The following ASIC2 variants were observed in gnomAD, a reference collection of about 807,000 sequenced individuals.
ASIC2 encodes the protein acid-sensing ion channel 2.
A neutral mutation model predicts 57.3 loss-of-function variants in ASIC2; 25 were observed. That is an observed-to-expected ratio of 0.44 (90% CI 0.32 to 0.61). The LOEUF (loss-of-function observed/expected upper bound fraction) is 0.61. Among genes scored for constraint, ASIC2 ranks in the 20% least tolerant of loss-of-function variants. The probability of loss-of-function intolerance (pLI) is 0.06; values close to 1 mark genes in which losing one functional copy is unlikely to be tolerated. For synonymous variants in ASIC2, 319 were observed against 307.5 expected (o/e 1.04, Z -0.39); for missense variants, 641 against 738.1 (o/e 0.87, Z 1.52).
intron 1 of ASIC2, among the ~76,000 whole-genome samples, chr17:33,522,724 T>G (rs1191804883): frequency 6.6e-6 from 1 of 152,158 alleles, no homozygotes; most frequent in Non-Finnish European, 1.5e-5. Flanking sequence ...ACTTTGAAAA[T>G]CCAAGTGTTT....
intron 1 of ASIC2, among the ~76,000 whole-genome samples, chr17:33,256,386 A>G (rs1288146777): frequency 1.3e-5 from 2 of 152,240 alleles, no homozygotes; most frequent in East Asian, 3.8e-4. Flanking sequence ...AAGAGACACA[A>G]GAAATGATTG....
intron 1 of ASIC2, among the ~76,000 whole-genome samples, chr17:33,678,454 C>T (rs1445238413): frequency 2.6e-5 from 4 of 151,790 alleles, no homozygotes; most frequent in Middle Eastern, 6.8e-3. Flanking sequence ...CACACACACA[C>T]ACACACACAC....
At chr17:34,001,939 T>C (rs1390344862) in intron 1 of ASIC2, 1 of 152,242 alleles carries the variant, frequency 6.6e-6, no homozygotes, top group Non-Finnish European at 1.5e-5. Context: ...TTGACATTAC[T>C]TCTATGTGTG....
At chr17:33,727,378 T>C (rs768942046) in intron 1 of ASIC2, among the ~76,000 whole-genome samples, 1 of 152,144 alleles carries the variant, frequency 6.6e-6, no homozygotes, top group Non-Finnish European at 1.5e-5. Context: ...CAGAAAGAAG[T>C]ATAAATGGTC....
chr17:33,683,985 G>A (rs886895085), intron 1 of ASIC2, among the ~76,000 whole-genome samples: 2 of 152,180 alleles, frequency 1.3e-5, no homozygotes, highest in African/African-American at 2.4e-5. Context: ...GGAGGAATAC[G>A]ATTTAACCCA....
At chr17:33,018,106 G>A (rs548766799) in intron 7 of ASIC2, among the ~76,000 whole-genome samples, 10 of 152,292 alleles carry the variant, frequency 6.6e-5, no homozygotes, top group African/African-American at 1.9e-4. Flanking sequence ...ACCCAATCAC[G>A]GCATGGGCTT....
At chr17:33,180,386 G>A (rs140338757) in intron 1 of ASIC2, among the ~76,000 whole-genome samples, 169 of 152,316 alleles carry the variant, frequency 1.1e-3, no homozygotes, top group Non-Finnish European at 1.8e-3. Context: ...AGGCATCATG[G>A]AAGCAGGAGG....
intron 1 of ASIC2, among the ~76,000 whole-genome samples, chr17:33,353,758 T>C (rs1908271195): frequency 6.6e-6 from 1 of 152,218 alleles, no homozygotes; most frequent in Non-Finnish European, 1.5e-5. Flanking sequence ...TTTATGATCC[T>C]CAGTTCTTTG....
chr17:34,090,142 T>C (rs1910272310), intron 1 of ASIC2, among the ~76,000 whole-genome samples: 1 of 152,024 alleles, frequency 6.6e-6, no homozygotes, highest in African/African-American at 2.4e-5. Context: ...TCTACTGACA[T>C]TTTAGGTGGA....
chr17:33,616,577 T>A (rs1905611588), intron 1 of ASIC2, among the ~76,000 whole-genome samples: 1 of 152,260 alleles, frequency 6.6e-6, no homozygotes. Flanking sequence ...TGACTGATTC[T>A]CATTCTCTTC....
intron 1 of ASIC2, among the ~76,000 whole-genome samples, chr17:33,332,379 C>T (rs558688862): frequency 4.6e-5 from 7 of 152,230 alleles, no homozygotes; most frequent in East Asian, 1.9e-4. Flanking sequence ...AACATTTCAA[C>T]GTGTAATAAA....
chr17:33,703,238 G>A (rs1489741368), intron 1 of ASIC2, among the ~76,000 whole-genome samples: 1 of 152,108 alleles, frequency 6.6e-6, no homozygotes, highest in Non-Finnish European at 1.5e-5. Flanking sequence ...CTGGAGAGAT[G>A]GGAGCTATAG....
chr17:33,235,849 T>C (rs1328955222), intron 1 of ASIC2, among the ~76,000 whole-genome samples: 2 of 152,166 alleles, frequency 1.3e-5, no homozygotes, highest in African/African-American at 2.4e-5. Context: ...ATTATTATTT[T>C]TTTTGAGACA....
intron 1 of ASIC2, among the ~76,000 whole-genome samples, chr17:33,400,376 G>C (rs1347040496): frequency 1.3e-5 from 2 of 152,210 alleles, no homozygotes; most frequent in Non-Finnish European, 2.9e-5. Context: ...TCTGGTATGG[G>C]AAGACCAAGC....
intron 1 of ASIC2, among the ~76,000 whole-genome samples, chr17:33,969,135 G>C (rs557649109): frequency 1.3e-5 from 2 of 152,158 alleles, no homozygotes; most frequent in African/African-American, 4.8e-5. Flanking sequence ...AGCATGGCCC[G>C]TTGAGAAACA....
At chr17:33,422,846 G>C (rs1911092830) in intron 1 of ASIC2, among the ~76,000 whole-genome samples, 1 of 152,202 alleles carries the variant, frequency 6.6e-6, no homozygotes, top group Non-Finnish European at 1.5e-5. Flanking sequence ...GGACTGGTCA[G>C]AGTTGGTATA....
chr17:33,695,296 T>G (rs540356054), intron 1 of ASIC2, among the ~76,000 whole-genome samples: 1 of 152,258 alleles, frequency 6.6e-6, no homozygotes, highest in Non-Finnish European at 1.5e-5. Context: ...ACAAATCATT[T>G]AAAAATATGG....
chr17:33,443,539 A>G (rs1333810628), intron 1 of ASIC2, among the ~76,000 whole-genome samples: 63 of 145,400 alleles, frequency 4.3e-4, no homozygotes, highest in Non-Finnish European at 7.7e-4. Flanking sequence ...TCAGCCTCCC[A>G]AGTAGCTGGG....
At chr17:33,653,914 T>C (rs1385639980) in intron 1 of ASIC2, among the ~76,000 whole-genome samples, 1 of 152,216 alleles carries the variant, frequency 6.6e-6, no homozygotes, top group African/African-American at 2.4e-5. Flanking sequence ...GTACATAATC[T>C]CATTTGTTCC....
Sources: allele counts gnomAD v4.1 joint callset (sites outside exome capture counted in the v4.1 genomes callset), GRCh38; gene constraint gnomAD v4.1.1; transcripts MANE v1.5; gene names NCBI Gene and HGNC (gene_info 2026-07-23, HGNC 2026-07-21).